Variants in ACOXL observed in about 807,000 individuals in gnomAD.
The protein encoded by ACOXL is acyl-CoA oxidase like, also known as acyl-coenzyme A oxidase-like protein.
A neutral mutation model predicts 71.9 loss-of-function variants in ACOXL; 70 were observed. That is an observed-to-expected ratio of 0.97 (90% CI 0.80 to 1.19). The LOEUF is 1.19. Among genes scored for constraint, ACOXL ranks in the 50% most tolerant of loss-of-function variants. The pLI is 0.00. For missense variants in ACOXL, 703 were observed against 736.3 expected (o/e 0.95, Z 0.52); for synonymous variants, 253 against 281.6 (o/e 0.90, Z 1.02).
intron 9 of ACOXL, among the ~76,000 whole-genome samples, chr2:110,815,656 CCTGCATCGTAGGGA>C (rs1559299585): frequency 1.3e-5 from 2 of 152,254 alleles, no homozygotes; most frequent in East Asian, 3.9e-4. Flanking sequence ...GAGAATGTTG[CCTGCATCGTAGGGA>C]CTTCCCTCTG....
At chr2:111,028,748 C>G (rs2065128997) in intron 14 of ACOXL, among the ~76,000 whole-genome samples, 1 of 152,170 alleles carries the variant, frequency 6.6e-6, no homozygotes, top group South Asian at 2.1e-4. Context: ...ATGCATTCAG[C>G]TCTTTGTCTT....
chr2:111,005,049 C>G (rs1189315425), intron 14 of ACOXL, among the ~76,000 whole-genome samples: 1 of 152,134 alleles, frequency 6.6e-6, no homozygotes, highest in Non-Finnish European at 1.5e-5. Flanking sequence ...TCAAATGTAC[C>G]TAACAGAAAT....
At chr2:110,808,598 C>T (rs956680455) in intron 9 of ACOXL, among the ~76,000 whole-genome samples, 1 of 152,196 alleles carries the variant, frequency 6.6e-6, no homozygotes. Context: ...CTCTGTCCCT[C>T]TGGCCTCATT....
chr2:111,062,648 A>G (rs1016634860), intron 16 of ACOXL, among the ~76,000 whole-genome samples: 1 of 152,156 alleles, frequency 6.6e-6, no homozygotes, highest in African/African-American at 2.4e-5. Context: ...CAACACGTCA[A>G]ATTGGTGGAA....
intron 17 of ACOXL, chr2:111,115,634 C>G (rs887447145): frequency 6.6e-6 from 1 of 152,212 alleles, no homozygotes; most frequent in African/African-American, 2.4e-5. Context: ...CAATAACTAA[C>G]AGGAATGATG....
chr2:110,957,200 A>G (rs1304933604), intron 12 of ACOXL, among the ~76,000 whole-genome samples: 1 of 151,808 alleles, frequency 6.6e-6, no homozygotes, highest in Non-Finnish European at 1.5e-5. Context: ...CCAAGAATAT[A>G]CAAACAAATA....
At chr2:110,813,915 G>A (rs943858672) in intron 9 of ACOXL, among the ~76,000 whole-genome samples, 3 of 152,200 alleles carry the variant, frequency 2.0e-5, no homozygotes, top group Admixed American at 1.3e-4. Context: ...AACCTGAGAT[G>A]TAGGAAGATG....
At chr2:111,045,429 C>A (rs539800593) in intron 15 of ACOXL, among the ~76,000 whole-genome samples, 22 of 152,164 alleles carry the variant, frequency 1.4e-4, no homozygotes, top group Non-Finnish European at 2.9e-4. Flanking sequence ...TGAGTGAGTT[C>A]TCATGAGATC....
intron 16 of ACOXL, among the ~76,000 whole-genome samples, chr2:111,068,026 A>G (rs1395961231): frequency 6.6e-6 from 1 of 152,128 alleles, no homozygotes; most frequent in Admixed American, 6.5e-5. Context: ...TGGGGTCCCC[A>G]GGGCCTGACA....
At chr2:110,769,694 G>A (rs898472469) in intron 2 of ACOXL, among the ~76,000 whole-genome samples, 1 of 150,518 alleles carries the variant, frequency 6.6e-6, no homozygotes, top group African/African-American at 2.5e-5. Context: ...AATTAGCCAG[G>A]TGTGGTGGTG....
intron 7 of ACOXL, 61 bp from the exon 8 acceptor site, chr2:110,801,591 G>A: frequency 6.8e-7 from 1 of 1,463,956 alleles, no homozygotes; most frequent in Non-Finnish European, 9.6e-7. Context: ...CGACAGGCCT[G>A]GGAAGTAGCA....
chr2:110,913,321 T>A (rs546087964), intron 11 of ACOXL, among the ~76,000 whole-genome samples: 28 of 152,350 alleles, frequency 1.8e-4, no homozygotes, highest in Non-Finnish European at 2.5e-4. Flanking sequence ...TTAGTGACAT[T>A]TTTTGTAATA....
At chr2:110,839,909 G>T (rs1690925532) in intron 9 of ACOXL, among the ~76,000 whole-genome samples, 2 of 152,114 alleles carry the variant, frequency 1.3e-5, no homozygotes, top group South Asian at 4.1e-4. Flanking sequence ...GATGTTTGGG[G>T]ATCTTAAGCT....
intron 3 of ACOXL, among the ~76,000 whole-genome samples, chr2:110,788,678 A>G (rs906957122): frequency 2.0e-5 from 3 of 152,252 alleles, no homozygotes; most frequent in Non-Finnish European, 4.4e-5. Context: ...ACAATTAAAA[A>G]TTATTATTAA....
intron 17 of ACOXL, chr2:111,100,504 C>A (rs1486360260): frequency 6.5e-6 from 1 of 152,680 alleles, no homozygotes; most frequent in Admixed American, 6.5e-5. Context: ...TGGACACCTC[C>A]CCCATATTTG....
chr2:111,024,604 T>A (rs1444629566), intron 14 of ACOXL, among the ~76,000 whole-genome samples: 4 of 152,170 alleles, frequency 2.6e-5, no homozygotes, highest in Non-Finnish European at 5.9e-5. Context: ...GGTAAGGAGT[T>A]ACAGCAGCCC....
At chr2:111,064,454 A>T (rs1034772221) in intron 16 of ACOXL, among the ~76,000 whole-genome samples, 26 of 151,762 alleles carry the variant, frequency 1.7e-4, no homozygotes, top group Non-Finnish European at 3.7e-4. Context: ...AACAAAAAAA[A>T]AACAACAACT....
intron 12 of ACOXL, chr2:110,963,780 A>G (rs1386807827): frequency 5.7e-6 from 9 of 1,582,998 alleles, no homozygotes; most frequent in South Asian, 2.3e-5. Flanking sequence ...CATATATTTT[A>G]TCTTTATCTG....
intron 12 of ACOXL, chr2:110,963,551 A>G: frequency 6.5e-7 from 1 of 1,542,448 alleles, no homozygotes; most frequent in South Asian, 1.2e-5. Flanking sequence ...TAGTGATGGG[A>G]TCGCAAATTT....
Sources: allele counts gnomAD v4.1 joint callset (sites outside exome capture counted in the v4.1 genomes callset), GRCh38; gene constraint gnomAD v4.1.1; transcripts MANE v1.5; gene names NCBI Gene and HGNC (gene_info 2026-07-23, HGNC 2026-07-21).